CDH18: variants seen among roughly 807,000 people sequenced by gnomAD.
CDH18 encodes cadherin 18.
CDH18 carries 31 observed loss-of-function variants against 67.9 expected under a neutral mutation model. The observed-to-expected ratio is 0.46, with a 90% CI of 0.34 to 0.62. The LOEUF is 0.62. CDH18 is among the 20% of genes least tolerant of loss of function. The probability of loss-of-function intolerance (pLI) is 0.01; values close to 1 mark genes in which losing one functional copy is unlikely to be tolerated. For synonymous variants in CDH18, 362 were observed against 347.2 expected (o/e 1.04, Z -0.48); for missense variants, 890 against 975.5 (o/e 0.91, Z 1.17).
intron 1 of CDH18, among the ~76,000 whole-genome samples, chr5:20,501,581 TTATATATATATATTATATATATA>T (rs1192205699): frequency 1.5e-4 from 2 of 13,054 alleles, no homozygotes; most frequent in African/African-American, 4.1e-4. Context: ...TATATATATA[TTATATATATATATTATATATATA>T]TATATATATA....
intron 6 of CDH18, among the ~76,000 whole-genome samples, chr5:19,599,129 T>C (rs1276335076): frequency 6.6e-6 from 1 of 152,088 alleles, no homozygotes; most frequent in Non-Finnish European, 1.5e-5. Flanking sequence ...AACTTTAAAC[T>C]TTCAAATATA....
chr5:19,644,088 G>A (rs1331576393), intron 5 of CDH18, among the ~76,000 whole-genome samples: 1 of 152,026 alleles, frequency 6.6e-6, no homozygotes, highest in Non-Finnish European at 1.5e-5. Context: ...ATTTAATTTT[G>A]AGCAAGAGAT....
intron 2 of CDH18, among the ~76,000 whole-genome samples, chr5:20,119,292 C>T (rs1434500802): frequency 6.6e-6 from 1 of 152,114 alleles, no homozygotes; most frequent in South Asian, 2.1e-4. Context: ...TCCACTGACT[C>T]CTGTAATACC....
At position 20,051,401 on chromosome 5, in the gene CDH18, C is replaced by A. The variant is rs536914880; in HGVS notation, c.-517-59387G>T. 4.0e-5 allele frequency among the ~76,000 whole-genome samples: 6 copies of A among 151,822 alleles called. No individual in the cohort carries two copies. In the South Asian group the frequency reaches 6.2e-4, roughly 16 times the overall value. ...TAATATTTCTACCACTATATTTTCCCAACTTATAAAGACCATTATAAATTT... is the reference window on the plus strand; with the variant it reads ...TAATATTTCTACCACTATATTTTCCAAACTTATAAAGACCATTATAAATTT... On this transcript the variant is annotated intron_variant, in intron 2 of 14. Transcript: ENST00000507958.
chr5:20,153,930 G>A (rs754815119), intron 2 of CDH18, among the ~76,000 whole-genome samples: 62 of 152,126 alleles, frequency 4.1e-4, no homozygotes, highest in Non-Finnish European at 6.9e-4. Flanking sequence ...TAAACAGATT[G>A]TTTCTGTGTC....
At chr5:20,018,243 A>G (rs1375380489) in intron 2 of CDH18, among the ~76,000 whole-genome samples, 3 of 152,212 alleles carry the variant, frequency 2.0e-5, no homozygotes, top group Admixed American at 1.3e-4. Context: ...AGATTTCAAC[A>G]TATTTACACC....
intron 1 of CDH18, among the ~76,000 whole-genome samples, chr5:20,395,289 A>C (rs373528784): frequency 1.3e-5 from 2 of 152,206 alleles, no homozygotes; most frequent in Admixed American, 6.5e-5. Flanking sequence ...TACCTTTTGC[A>C]GCAATTTGAA....
chr5:20,542,513 G>T (rs62354275), intron 1 of CDH18, among the ~76,000 whole-genome samples: 2,585 of 151,082 alleles, frequency 0.017, 36 homozygotes, highest in African/African-American at 0.029. Context: ...TATATTGTGC[G>T]TATGCATATA....
intron 5 of CDH18, among the ~76,000 whole-genome samples, chr5:19,676,031 C>G (rs570677199): frequency 2.8e-4 from 42 of 151,072 alleles, no homozygotes; most frequent in Non-Finnish European, 5.3e-4. Context: ...CTGAAAAACT[C>G]ACTTCAATAA....
intron 8 of CDH18, among the ~76,000 whole-genome samples, chr5:19,556,601 C>G (rs1184219495): frequency 6.6e-6 from 1 of 151,896 alleles, no homozygotes; most frequent in Non-Finnish European, 1.5e-5. Flanking sequence ...AAAAAACGAG[C>G]AAAGCCTCCA....
intron 1 of CDH18, among the ~76,000 whole-genome samples, chr5:20,502,958 A>C (rs945501482): frequency 6.6e-6 from 1 of 151,908 alleles, no homozygotes; most frequent in African/African-American, 2.4e-5. Context: ...AATATGAATA[A>C]ATTCTGCTTT....
intron 1 of CDH18, among the ~76,000 whole-genome samples, chr5:20,330,115 C>T (rs985445272): frequency 1.4e-4 from 22 of 151,878 alleles, no homozygotes; most frequent in African/African-American, 4.4e-4. Flanking sequence ...GTTGTACTAT[C>T]GAAGAATTTA....
At chr5:20,443,071 G>A (rs1454555882) in intron 1 of CDH18, among the ~76,000 whole-genome samples, 4 of 149,502 alleles carry the variant, frequency 2.7e-5, no homozygotes, top group Admixed American at 1.3e-4. Context: ...TTAGCCGGGC[G>A]TAGTGGCGGG....
chr5:19,730,879 A>T (rs1031729820), intron 4 of CDH18, among the ~76,000 whole-genome samples: 1 of 152,228 alleles, frequency 6.6e-6, no homozygotes, highest in Non-Finnish European at 1.5e-5. Flanking sequence ...ACAATAAACT[A>T]AAATGTTACT....
At chr5:20,336,709 A>G (rs1739786153) in intron 1 of CDH18, among the ~76,000 whole-genome samples, 1 of 114,342 alleles carries the variant, frequency 8.7e-6, no homozygotes, top group Non-Finnish European at 1.7e-5. Context: ...GGCAACAGAG[A>G]GGGAGCCTCT....
At chr5:20,198,106 T>G (rs1194876221) in intron 2 of CDH18, among the ~76,000 whole-genome samples, 1 of 152,130 alleles carries the variant, frequency 6.6e-6, no homozygotes, top group African/African-American at 2.4e-5. Context: ...GTTAATCAAT[T>G]GAGTAATTTC....
At chr5:19,938,567 ATTC>A (rs1007679371) in intron 2 of CDH18, among the ~76,000 whole-genome samples, 16 of 151,478 alleles carry the variant, frequency 1.1e-4, no homozygotes, top group African/African-American at 3.6e-4. Context: ...ATGACTTGTT[ATTC>A]TTCTTATTCA....
chr5:20,462,882 C>T (rs1463256061), intron 1 of CDH18, among the ~76,000 whole-genome samples: 1 of 152,154 alleles, frequency 6.6e-6, no homozygotes, highest in Non-Finnish European at 1.5e-5. Context: ...ACTATAATTA[C>T]ATTGCTTCTC....
intron 1 of CDH18, among the ~76,000 whole-genome samples, chr5:20,560,506 CACACA>C (rs1758146663): frequency 1.3e-5 from 2 of 151,110 alleles, no homozygotes; most frequent in South Asian, 2.1e-4. Context: ...CACACACACA[CACACA>C]CCCCTACATT....
Sources: allele counts gnomAD v4.1 joint callset (sites outside exome capture counted in the v4.1 genomes callset), GRCh38; gene constraint gnomAD v4.1.1; transcripts MANE v1.5; gene names NCBI Gene and HGNC (gene_info 2026-07-23, HGNC 2026-07-21).